The following DRC11 variants were observed in gnomAD, a reference collection of about 807,000 sequenced individuals.
The protein encoded by DRC11 is dynein regulatory complex subunit 11.
the DRC11 span, among the ~76,000 whole-genome samples, chr2:236,457,985 C>T: frequency 1.3e-5 from 2 of 152,270 alleles, no homozygotes; most frequent in Non-Finnish European, 2.9e-5. The surrounding 1 kb of genome is among the most constrained non-coding windows in gnomAD (Gnocchi z 4.7). Flanking sequence ...ACTTCAAATT[C>T]CTGGTATAGA....
the DRC11 span, chr2:236,419,079 G>T: frequency 6.8e-7 from 1 of 1,467,890 alleles, no homozygotes; most frequent in South Asian, 1.5e-5. The surrounding 1 kb of genome is among the most constrained non-coding windows in gnomAD (Gnocchi z 4.8). Context: ...ATATCTCATT[G>T]ACTCAAAGCA....
chr2:236,395,197 G>T, the DRC11 span, among the ~76,000 whole-genome samples: 2 of 152,142 alleles, frequency 1.3e-5, no homozygotes, highest in Non-Finnish European at 2.9e-5. Context: ...AAGTTCAAGG[G>T]GTGTCTTCAT....
chr2:236,417,192 T>C, the DRC11 span, among the ~76,000 whole-genome samples: 9 of 152,318 alleles, frequency 5.9e-5, no homozygotes, highest in South Asian at 2.1e-4. Context: ...TTTGTTACCA[T>C]TGCCTACATC....
chr2:236,471,083 T>C, the DRC11 span, among the ~76,000 whole-genome samples: 1 of 152,160 alleles, frequency 6.6e-6, no homozygotes, highest in Non-Finnish European at 1.5e-5. This position sits in a 1 kb window ranked among gnomAD's most constrained non-coding sequence, Gnocchi z 4.6. Context: ...CCCTTACTTC[T>C]CAACACAGCC....
the DRC11 span, among the ~76,000 whole-genome samples, chr2:236,337,302 C>T: frequency 4.6e-5 from 7 of 152,122 alleles, no homozygotes; most frequent in Non-Finnish European, 4.4e-5. This position sits in a 1 kb window ranked among gnomAD's most constrained non-coding sequence, Gnocchi z 4.9. Flanking sequence ...GATAGCAGAA[C>T]GGCCGCCAGC....
the DRC11 span, among the ~76,000 whole-genome samples, chr2:236,356,797 T>C: frequency 6.6e-5 from 10 of 151,358 alleles, no homozygotes; most frequent in Non-Finnish European, 1.2e-4. Flanking sequence ...GCGGGGGTGG[T>C]AGGCAACAGC....
chr2:236,356,148 A>G, the DRC11 span, among the ~76,000 whole-genome samples: 1 of 151,686 alleles, frequency 6.6e-6, no homozygotes, highest in Non-Finnish European at 1.5e-5. Context: ...GTCACCAAGC[A>G]GAGGGGAGGA....
chr2:236,488,962 G>A, the DRC11 span, among the ~76,000 whole-genome samples: 1 of 149,586 alleles, frequency 6.7e-6, no homozygotes, highest in Non-Finnish European at 1.5e-5. Flanking sequence ...GGTACATGCT[G>A]GGACCTGTGT....
the DRC11 span, among the ~76,000 whole-genome samples, chr2:236,347,527 T>TATATA: frequency 1.4e-5 from 2 of 145,286 alleles, no homozygotes; most frequent in African/African-American, 2.5e-5. Flanking sequence ...TATATATATA[T>TATATA]GATGGAATAC....
the DRC11 span, among the ~76,000 whole-genome samples, chr2:236,357,590 T>C: frequency 1.6e-5 from 2 of 127,034 alleles, no homozygotes; most frequent in Admixed American, 1.7e-4. Flanking sequence ...ATTATAAATA[T>C]GCATTTATGT....
the DRC11 span, among the ~76,000 whole-genome samples, chr2:236,481,626 T>G: frequency 1.3e-5 from 2 of 151,872 alleles, no homozygotes; most frequent in Non-Finnish European, 2.9e-5. Context: ...TAAATGTGTG[T>G]TTTTTTTCTA....
At chr2:236,323,464 G>C in the DRC11 span, among the ~76,000 whole-genome samples, 1 of 152,342 alleles carries the variant, frequency 6.6e-6, no homozygotes, top group South Asian at 2.1e-4. This position sits in a 1 kb window ranked among gnomAD's most constrained non-coding sequence, Gnocchi z 6.4. Context: ...GACTTCGTGG[G>C]GAGTGCGGAA....
the DRC11 span, among the ~76,000 whole-genome samples, chr2:236,446,288 C>A: frequency 7.2e-5 from 11 of 152,110 alleles, no homozygotes; most frequent in Non-Finnish European, 1.5e-5. The surrounding 1 kb of genome is among the most constrained non-coding windows in gnomAD (Gnocchi z 6.2). Flanking sequence ...AGGTGTAAAA[C>A]CTTCAGAGGG....
chr2:236,356,405 G>A, the DRC11 span, among the ~76,000 whole-genome samples: 14 of 152,154 alleles, frequency 9.2e-5, no homozygotes, highest in Non-Finnish European at 1.6e-4. Context: ...GCTGGCCCAG[G>A]AATGGCCTTG....
At chr2:236,462,022 C>A in the DRC11 span, among the ~76,000 whole-genome samples, 22 of 152,230 alleles carry the variant, frequency 1.4e-4, no homozygotes, top group Middle Eastern at 3.4e-3. The surrounding 1 kb of genome is among the most constrained non-coding windows in gnomAD (Gnocchi z 6.4). Flanking sequence ...AGCCCTTGGG[C>A]CCCATCCTGT....
the DRC11 span, among the ~76,000 whole-genome samples, chr2:236,420,823 A>G: frequency 1.3e-5 from 2 of 152,134 alleles, no homozygotes; most frequent in Admixed American, 6.5e-5. This position sits in a 1 kb window ranked among gnomAD's most constrained non-coding sequence, Gnocchi z 4.8. Flanking sequence ...AAAACAAAAC[A>G]AAACAGACAA....
the DRC11 span, among the ~76,000 whole-genome samples, chr2:236,439,043 A>T: frequency 6.6e-6 from 1 of 150,714 alleles, no homozygotes; most frequent in Admixed American, 6.6e-5. Flanking sequence ...ACAACATACC[A>T]GAATCTCTGG....
the DRC11 span, among the ~76,000 whole-genome samples, chr2:236,493,598 C>A: frequency 6.6e-6 from 1 of 152,060 alleles, no homozygotes; most frequent in East Asian, 1.9e-4. Flanking sequence ...TTATATATCA[C>A]CAAAAGCACA....
chr2:236,389,164 C>A, the DRC11 span, among the ~76,000 whole-genome samples: 3 of 152,228 alleles, frequency 2.0e-5, no homozygotes, highest in African/African-American at 7.2e-5. Flanking sequence ...GGCAGGCACG[C>A]CTCCTTGAGC....
Sources: gnomAD v4.1 joint callset for allele counts (sites outside exome capture counted in the v4.1 genomes callset) on GRCh38, gnomAD v4.1.1 for gene constraint, Gnocchi (gnomAD v3.1) non-coding constraint, MANE v1.5 for transcripts, NCBI Gene and HGNC (gene_info 2026-07-23, HGNC 2026-07-21) for gene names.